Variants in NEGR1 observed in about 807,000 individuals in gnomAD.
The protein encoded by NEGR1 is IgLON family member 4.
NEGR1 carries 10 observed loss-of-function variants against 40.9 expected under a neutral mutation model. The ratio of observed to expected loss-of-function variants is 0.24; its 90% CI spans 0.15 to 0.42. The LOEUF is 0.42. Ranked by LOEUF, NEGR1 falls within the 10% of genes least tolerant of loss-of-function variation. The pLI is 1.00. For synonymous variants in NEGR1, 185 were observed against 166.8 expected (o/e 1.11, Z -0.84); for missense variants, 352 against 438.9 (o/e 0.80, Z 1.77).
In NEGR1 at chr1:71,570,512, G is replaced by A. The variant is rs1648776154; in HGVS notation, c.940+22305C>T. 1.3e-5 allele frequency among the ~76,000 whole-genome samples: 2 copies of A among 152,098 alleles called. 1 individual carries two copies. Among genetic ancestry groups the A allele is most frequent in the South Asian group, 4.1e-4 (2 of 4,836 alleles). On this transcript the variant is annotated intron_variant, in intron 6 of 6. Coordinates refer to ENST00000357731, the MANE Select transcript of NEGR1 (RefSeq NM_173808.3). ...AGTCAAGTCTATCTTTTAGGTATAA[G>A]ATGCAATACAAAATCACTGTATTAT...
chr1:72,076,455 G>A (rs1647737582), intron 1 of NEGR1, among the ~76,000 whole-genome samples: 1 of 151,978 alleles, frequency 6.6e-6, no homozygotes, highest in Non-Finnish European at 1.5e-5. Flanking sequence ...CCAATTTATG[G>A]CATTTTGTCA....
chr1:71,756,829 C>A (rs1217458263), intron 3 of NEGR1, among the ~76,000 whole-genome samples: 4 of 148,006 alleles, frequency 2.7e-5, no homozygotes, highest in Non-Finnish European at 4.5e-5. Context: ...ACATTCAAAT[C>A]AAATGCAAAA....
At chr1:72,058,181 A>G (rs1647129345) in intron 1 of NEGR1, among the ~76,000 whole-genome samples, 2 of 151,618 alleles carry the variant, frequency 1.3e-5, no homozygotes, top group Admixed American at 6.6e-5. Flanking sequence ...CCAATATGAG[A>G]TGGAACTTTG....
intron 1 of NEGR1, among the ~76,000 whole-genome samples, chr1:72,163,723 A>G (rs1199405503): frequency 9.4e-6 from 1 of 106,920 alleles, no homozygotes; most frequent in Non-Finnish European, 2.0e-5. Context: ...ACATAGACAG[A>G]TATCTAATAG....
intron 1 of NEGR1, among the ~76,000 whole-genome samples, chr1:72,164,297 T>C (rs1471675611): frequency 6.6e-6 from 1 of 151,968 alleles, no homozygotes; most frequent in African/African-American, 2.4e-5. Context: ...AACTGTTTTT[T>C]TTTTAAATTT....
At chr1:71,657,679 G>A (rs150462897) in intron 4 of NEGR1, among the ~76,000 whole-genome samples, 235 of 152,258 alleles carry the variant, frequency 1.5e-3, no homozygotes, top group Non-Finnish European at 2.7e-3. Context: ...AGAGCAGGCT[G>A]GGGACGCTAG....
chr1:71,713,203 A>G (rs1172307449), intron 3 of NEGR1, among the ~76,000 whole-genome samples: 1 of 152,102 alleles, frequency 6.6e-6, no homozygotes, highest in Non-Finnish European at 1.5e-5. Flanking sequence ...TTCCTATTCT[A>G]TTTTTGTCGG....
Position 71,407,269 on chromosome 1 carries a change from A to C in NEGR1, c.*177T>G. ...TACTGCTTCACAAGGTAATGTAGCT[A>C]ATCAAAAAAGAGTAGAATTAAAGTA... On this transcript the variant is annotated 3_prime_UTR_variant, in exon 7 of 7. Coordinates refer to ENST00000357731, the MANE Select transcript of NEGR1 (RefSeq NM_173808.3). 1.9e-6 allele frequency: 1 copy of C among 531,626 alleles called. No individual in the cohort carries two copies. Among genetic ancestry groups the C allele is most frequent in the Non-Finnish European group, 3.4e-6 (1 of 294,456 alleles). 32.9% of individuals were successfully genotyped at this position (531,626 alleles called of 1,614,324 possible). A position where few individuals can be genotyped will look rare whatever the true frequency, so the allele number is the denominator to read the frequency against.
chr1:71,923,525 A>T lies in NEGR1; in HGVS notation c.409+11554T>A, dbSNP rs1439777269. Among the ~76,000 whole-genome samples, 4 of 152,270 alleles carry T rather than the reference A, an allele frequency of 2.6e-5. No homozygotes were observed. In the East Asian group the frequency reaches 7.7e-4, roughly 29 times the overall value. ...GCACGGGGAGTGTATTAGTTTTCCT[A>T]TTGGCTGCCATAACAAATTATTACA... On this transcript the variant is annotated intron_variant, in intron 2 of 6. Coordinates refer to ENST00000357731, the MANE Select transcript of NEGR1 (RefSeq NM_173808.3).
At chr1:71,738,371 T>C (rs1450588641) in intron 3 of NEGR1, 6 of 202,042 alleles carry the variant, frequency 3.0e-5, no homozygotes, top group Non-Finnish European at 6.5e-5. Context: ...CAAATAAAGA[T>C]CTGCTTGATT....
intron 3 of NEGR1, among the ~76,000 whole-genome samples, chr1:71,768,911 C>T (rs1420786687): frequency 6.6e-5 from 10 of 151,946 alleles, no homozygotes; most frequent in East Asian, 1.9e-4. Flanking sequence ...GAACCTCCCC[C>T]GACCCCCTTT....
At chr1:71,877,241 T>C (rs543388593) in intron 2 of NEGR1, among the ~76,000 whole-genome samples, 15 of 152,122 alleles carry the variant, frequency 9.9e-5, no homozygotes, top group Non-Finnish European at 1.8e-4. Flanking sequence ...TAGTCATGTA[T>C]GGCCTTAGAA....
intron 2 of NEGR1, among the ~76,000 whole-genome samples, chr1:71,803,264 C>A (rs1436263611): frequency 6.6e-6 from 1 of 152,080 alleles, no homozygotes; most frequent in Non-Finnish European, 1.5e-5. Context: ...TGTGAGGACA[C>A]AACCAGAATG....
chr1:71,668,049 T>C (rs1652298815), intron 4 of NEGR1, among the ~76,000 whole-genome samples: 1 of 151,666 alleles, frequency 6.6e-6, no homozygotes, highest in Non-Finnish European at 1.5e-5. Flanking sequence ...CAATATTTTC[T>C]GTTATCTATT....
At chr1:71,627,153 C>T (rs568565944) in intron 4 of NEGR1, among the ~76,000 whole-genome samples, 2 of 152,138 alleles carry the variant, frequency 1.3e-5, no homozygotes, top group South Asian at 4.1e-4. Context: ...TGGGTATATA[C>T]CCAAAGGATT....
At chr1:71,597,768 G>T (rs915290129) in intron 5 of NEGR1, among the ~76,000 whole-genome samples, 3 of 151,668 alleles carry the variant, frequency 2.0e-5, no homozygotes, top group African/African-American at 7.3e-5. Flanking sequence ...TTAGCCAGGC[G>T]TGGTAATCCC....
intron 2 of NEGR1, among the ~76,000 whole-genome samples, chr1:71,912,296 G>C (rs1415363147): frequency 6.6e-6 from 1 of 152,028 alleles, no homozygotes; most frequent in East Asian, 1.9e-4. Flanking sequence ...GTTTTCAATA[G>C]GGAGTAAGTC....
Position 72,008,955 on chromosome 1 carries a change from T to C in NEGR1, c.177-73644A>G, listed in dbSNP as rs1239408928. Among the ~76,000 whole-genome samples, 7 of 149,646 alleles carry C rather than the reference T, an allele frequency of 4.7e-5. No homozygotes were observed. In the Admixed American group the frequency reaches 4.7e-4, roughly 10 times the overall value. On this transcript the variant is annotated intron_variant, in intron 1 of 6. Coordinates refer to ENST00000357731, the MANE Select transcript of NEGR1 (RefSeq NM_173808.3). The stretch of plus-strand genomic sequence containing the variant: ...AAAATCTGGTTCTAGTCCATACCAG[T>C]TAATTTACCATTAAACTTCCCTAAC...
In NEGR1 at chr1:72,028,463, A is replaced by C. The variant is rs1189478883; in HGVS notation, c.177-93152T>G. Among the ~76,000 whole-genome samples the C allele has an allele frequency of 3.3e-5, 5 of 152,206 alleles. No homozygotes were observed. The South Asian group carries it at 1.0e-3, about 31-fold the overall frequency. ...GAGGTCTGCTATATGAGTGTAATTA[A>C]TGTATGCAATTATTATTTCTCTCTG... On this transcript the variant is annotated intron_variant, in intron 1 of 6. Transcript: ENST00000357731.
Sources: gnomAD v4.1 joint callset for allele counts (sites outside exome capture counted in the v4.1 genomes callset) on GRCh38, gnomAD v4.1.1 for gene constraint, MANE v1.5 for transcripts, NCBI Gene and HGNC (gene_info 2026-07-23, HGNC 2026-07-21) for gene names.